Variants in GPR101 observed in about 807,000 individuals in gnomAD.
GPR101 encodes the protein G protein-coupled receptor 101.
A neutral mutation model predicts 16.4 loss-of-function variants in GPR101; 8 were observed. That is an observed-to-expected ratio of 0.49 (90% CI 0.29 to 0.88). GPR101 has a LOEUF of 0.88. GPR101 is among the 40% of genes least tolerant of loss of function. The pLI is 0.09. For synonymous variants in GPR101, 155 were observed against 168.7 expected (o/e 0.92, Z 0.63); for missense variants, 375 against 411.7 (o/e 0.91, Z 0.77).
rs1927259437 is a variant in GPR101, at chrX:137,031,277, A to G, written c.398T>C (p.Ile133Thr). 8.3e-7 allele frequency: 1 copy of G among 1,209,244 alleles called. No homozygotes were observed. The highest frequency in any genetic ancestry group is 1.8e-5 in the African/African-American group (1 of 57,135). The change falls in exon 2 of 2, where the codon ATC becomes ACC. Residue 133 changes from isoleucine to threonine, a missense_variant. Transcript: ENST00000651716. ...GGACGGGTAGGAGAGAGGGTGGATG[A>G]TGGACAAGTAGCGATCCACTGACAC... Reference protein sequence around the residue: ...VVVSVDRYLSIIHPLSYPSKM... With the variant: ...VVVSVDRYLSTIHPLSYPSKM...
rs1011164424 is a variant in GPR101 at position 137,028,710 on chromosome X, T to C, written c.*1438A>G. Among the ~76,000 whole-genome samples, 5 of 112,306 alleles carry C rather than the reference T, an allele frequency of 4.5e-5. No individual in the cohort carries two copies. Among genetic ancestry groups the C allele is most frequent in the Non-Finnish European group, 9.4e-5 (5 of 53,201 alleles). ...TACGGCCCATGCCCTCAGAAATGTA[T>C]ATGTATATCCCTGCCCAAAGTTATT... On this transcript the variant is annotated 3_prime_UTR_variant, in exon 2 of 2. Transcript: ENST00000651716.
rs1927134276 is a variant in GPR101, at chrX:137,024,193, G to C, written c.*5955C>G. On this transcript the variant is annotated 3_prime_UTR_variant, in exon 2 of 2. Coordinates refer to ENST00000651716, the MANE Select transcript of GPR101 (RefSeq NM_054021.2). ...GGCCTTGGGCAGAATCTCTGGGACT[G>C]CTGGCCCATGTAATAGTGTTGATTT... is the stretch of plus-strand genomic sequence containing the variant. Among the ~76,000 whole-genome samples the C allele has an allele frequency of 8.9e-6, 1 of 112,258 alleles. No individual in the cohort carries two copies. Among genetic ancestry groups the C allele is most frequent in the African/African-American group, 3.2e-5 (1 of 30,869 alleles).
rs773793876 is a variant in GPR101, at chrX:137,024,121, C to T, written c.*6027G>A. On this transcript the variant is annotated 3_prime_UTR_variant, in exon 2 of 2. Transcript: ENST00000651716. ...CAAAAGAAAAAAAAAGGCATTGTAA[C>T]CATTTTAGAAAGGATCCAATTAAAG... is the stretch of plus-strand genomic sequence containing the variant. Among the ~76,000 whole-genome samples the T allele has an allele frequency of 1.8e-5, 2 of 112,507 alleles. No homozygotes were observed. Among genetic ancestry groups the T allele is most frequent in the Non-Finnish European group, 3.8e-5 (2 of 53,326 alleles).
At position 137,030,631 on chromosome X, in the gene GPR101, C is replaced by G. The variant is rs1569454085; in HGVS notation, c.1044G>C (p.Leu348Phe). 1 of 1,211,533 alleles carries G rather than the reference C, an allele frequency of 8.3e-7. No homozygotes were observed. The change falls in exon 2 of 2, where the codon TTG becomes TTC. Residue 348 changes from leucine to phenylalanine, a missense_variant. By Grantham distance (22) the Leu-to-Phe change is conservative (BLOSUM62 0). Transcript: ENST00000651716. ...RTEVNQCSID[L>F]GEDDMEFGED... ...CACCAAACTCCATGTCATCTTCACC[C>G]AAGTCAATGCTGCACTGGTTGACCT...
intron 1 of GPR101, among the ~76,000 whole-genome samples, 43 bp downstream of exon 1, chrX:137,033,759 G>T (rs1373599961): frequency 3.6e-5 from 4 of 112,145 alleles, no homozygotes; most frequent in Non-Finnish European, 7.5e-5. Flanking sequence ...GCCCTGCCGG[G>T]TGCTGGGGGC....
At position 137,030,032 on chromosome X, in the gene GPR101, A is replaced by C. The variant is rs1013536067; in HGVS notation, c.*116T>G. ...CTTGTGGTGAAGAGCATGTGTGTGC[A>C]ACACCTTTGCCTGAAATGGTATGGT... On this transcript the variant is annotated 3_prime_UTR_variant, in exon 2 of 2. Coordinates refer to ENST00000651716, the MANE Select transcript of GPR101 (RefSeq NM_054021.2). 6.5e-6 allele frequency: 4 copies of C among 617,390 alleles called. No homozygotes were observed. Among genetic ancestry groups the C allele is most frequent in the Non-Finnish European group, 9.9e-6 (4 of 405,379 alleles). 50.9% of individuals were successfully genotyped at this position (617,390 alleles called of 1,213,427 possible). A position where few individuals can be genotyped will look rare whatever the true frequency, so the allele number is the denominator to read the frequency against.
rs1927235110 is a variant in GPR101, at chrX:137,030,406, C to G, written c.1269G>C (p.Val423=). ...GTACCTGGGTTTCGACATCCACCCA[C>G]ACGGCCAGGACTGCTAAAAAGCAGT... ...GPYCFLAVLA[V]WVDVETQVPQ... is the part of the protein sequence containing the mutation. Residue 423 remains valine, a synonymous_variant, in exon 2 of 2, where the codon GTG becomes GTC. Coordinates refer to ENST00000651716, the MANE Select transcript of GPR101 (RefSeq NM_054021.2). The G allele has an allele frequency of 2.5e-6, 3 of 1,210,894 alleles. No homozygotes were observed. The East Asian group carries it at 8.9e-5, about 36-fold the overall frequency.
intron 1 of GPR101, among the ~76,000 whole-genome samples, chrX:137,032,903 T>C (rs1927295267): frequency 9.0e-6 from 1 of 110,867 alleles, no homozygotes; most frequent in Admixed American, 9.6e-5. Flanking sequence ...CCCAGGACTC[T>C]GGCTAAACAC....
In GPR101 at chrX:137,031,192, C is replaced by T. The variant is rs1927256972; in HGVS notation, c.483G>A (p.Leu161=). Residue 161 remains leucine (L), a synonymous_variant, in exon 2 of 2, where the codon CTG becomes CTA. Coordinates refer to ENST00000651716, the MANE Select transcript of GPR101 (RefSeq NM_054021.2). ...AGCCGTAGAGTGGAGGAGTGCTCTG[C>T]AGGATGGCCACAATCCAGGTGCCAT... The part of the protein sequence containing the change: ...LLYGTWIVAI[L]QSTPPLYGWG... The T allele has an allele frequency of 1.7e-6, 2 of 1,211,887 alleles. No individual in the cohort carries two copies. The highest frequency in any genetic ancestry group is 2.2e-6 in the Non-Finnish European group (2 of 895,444).
intron 1 of GPR101, among the ~76,000 whole-genome samples, chrX:137,033,235 G>A (rs1365851867): frequency 9.1e-6 from 1 of 109,534 alleles, no homozygotes; most frequent in African/African-American, 3.3e-5. Context: ...GCTTGGTGTC[G>A]GTGACAGCCG....
chrX:137,033,301 G>A (rs960266752), intron 1 of GPR101, among the ~76,000 whole-genome samples: 7 of 109,063 alleles, frequency 6.4e-5, no homozygotes, highest in African/African-American at 2.3e-4. Flanking sequence ...GTGCAGGGTG[G>A]TGGAGAGAGT....
At position 137,026,829 on chromosome X, in the gene GPR101, A is replaced by G. The variant is rs1309932088; in HGVS notation, c.*3319T>C. Among the ~76,000 whole-genome samples the G allele has an allele frequency of 1.8e-5, 2 of 111,016 alleles. No homozygotes were observed. The highest frequency in any genetic ancestry group is 6.6e-5 in the African/African-American group (2 of 30,456). Reference sequence around the variant, plus strand: ...CAGAAAAATACCTTTCATTGCTCCTATGGCTCACTTCTCTCCTTCCCTGCT... The same window carrying G: ...CAGAAAAATACCTTTCATTGCTCCTGTGGCTCACTTCTCTCCTTCCCTGCT... On this transcript the variant is annotated 3_prime_UTR_variant, in exon 2 of 2. Coordinates refer to ENST00000651716, the MANE Select transcript of GPR101 (RefSeq NM_054021.2).
chrX:137,033,773 G>A (rs1399198936), intron 1 of GPR101, among the ~76,000 whole-genome samples, 29 bp downstream of exon 1: 1 of 112,037 alleles, frequency 8.9e-6, no homozygotes, highest in Admixed American at 9.3e-5. Context: ...TGGGGGCCAC[G>A]GAGCCCGGAG....
chrX:137,031,011 G>A lies in GPR101; in HGVS notation c.664C>T (p.Gln222Ter). Residue 222 changes from glutamine to a stop codon, truncating the protein, a stop_gained, in exon 2 of 2, where the codon CAG becomes TAG. Coordinates refer to ENST00000651716, the MANE Select transcript of GPR101 (RefSeq NM_054021.2). LOFTEE classifies it high-confidence loss of function. ...TTGACATTGTACAGCAGAGCATGCTGCCTCCGGGCTGCACAGAACACCACG... is the reference window on the plus strand; with the variant it reads ...TTGACATTGTACAGCAGAGCATGCTACCTCCGGGCTGCACAGAACACCACG... ...YSVVFCAARR[Q>*]HALLYNVKRH... The A allele has an allele frequency of 8.3e-7, 1 of 1,212,095 alleles. No individual in the cohort carries two copies. Among genetic ancestry groups the A allele is most frequent in the Non-Finnish European group, 1.1e-6 (1 of 895,520 alleles).
rs745868890 is a variant in GPR101, at chrX:137,031,222, G to A, written c.453C>T (p.Leu151=). 1 of 1,210,614 alleles carries A rather than the reference G, an allele frequency of 8.3e-7. No homozygotes were observed. The highest frequency in any genetic ancestry group is 1.7e-5 in the African/African-American group (1 of 57,382). The change falls in exon 2 of 2, where the codon CTC becomes CTT. Residue 151 remains leucine (L), a synonymous_variant. Coordinates refer to ENST00000651716, the MANE Select transcript of GPR101 (RefSeq NM_054021.2). Reference sequence around the variant, plus strand: ...TGGCCACAATCCAGGTGCCATAGAGGAGCAGGTAACCGCGGCGCTGGGTCA... The same window carrying A: ...TGGCCACAATCCAGGTGCCATAGAGAAGCAGGTAACCGCGGCGCTGGGTCA... ...SKMTQRRGYL[L]LYGTWIVAIL... is the part of the protein sequence containing the mutation.
chrX:137,031,361 G>A lies in GPR101; in HGVS notation c.314C>T (p.Thr105Met). Residue 105 changes from threonine (T) to methionine (M), a missense_variant, in exon 2 of 2, where the codon ACG becomes ATG. Transcript: ENST00000651716. ...LFWPLNSHFC[T>M]ALVSLTHLFA... ...CAGGTGGGTGAGGCTAACCAGGGCC[G>A]TGCAGAAGTGGCTGTTGAGGGGCCA... 8.4e-7 allele frequency: 1 copy of A among 1,196,200 alleles called. No homozygotes were observed. Among genetic ancestry groups the A allele is most frequent in the Non-Finnish European group, 1.1e-6 (1 of 887,524 alleles).
rs1376346111 is a variant in GPR101, at chrX:137,028,489, C to T, written c.*1659G>A. ...ACAATCACACAAGAATGAGGCTAAA[C>T]TCTGAAGATGGTCATCTTACATCAT... On this transcript the variant is annotated 3_prime_UTR_variant, in exon 2 of 2. Transcript: ENST00000651716. Among the ~76,000 whole-genome samples the T allele has an allele frequency of 8.9e-6, 1 of 112,299 alleles. No individual in the cohort carries two copies. The highest frequency in any genetic ancestry group is 1.9e-5 in the Non-Finnish European group (1 of 53,233).
chrX:137,032,076 C>G (rs964536042), intron 1 of GPR101, among the ~76,000 whole-genome samples: 1 of 111,354 alleles, frequency 9.0e-6, no homozygotes, highest in Non-Finnish European at 1.9e-5. Flanking sequence ...CGCGTGCGCT[C>G]TCTGTTTCTG....
At chrX:137,033,079 G>C (rs1927298521) in intron 1 of GPR101, among the ~76,000 whole-genome samples, 1 of 111,219 alleles carries the variant, frequency 9.0e-6, no homozygotes, top group African/African-American at 3.3e-5. Flanking sequence ...GCCACCGCGG[G>C]CTTTGGTTAA....
Sources: allele counts gnomAD v4.1 joint callset (sites outside exome capture counted in the v4.1 genomes callset), GRCh38; gene constraint gnomAD v4.1.1; transcripts MANE v1.5; gene names NCBI Gene and HGNC (gene_info 2026-07-23, HGNC 2026-07-21).